Variants in TANC2 observed in about 807,000 individuals in gnomAD.
TANC2 encodes protein TANC2.
TANC2 carries 26 observed loss-of-function variants against 210.5 expected under a neutral mutation model. The ratio of observed to expected loss-of-function variants is 0.12; its 90% CI spans 0.09 to 0.17. TANC2 has a LOEUF of 0.17. Ranked by LOEUF, TANC2 falls within the 10% of genes least tolerant of loss-of-function variation. TANC2 has a pLI of 1.00. For synonymous variants in TANC2, 931 were observed against 967.1 expected (o/e 0.96, Z 0.69); for missense variants, 2,129 against 2,608.9 (o/e 0.82, Z 4.01).
intron 2 of TANC2, among the ~76,000 whole-genome samples, chr17:63,072,858 A>G (rs1255411564): frequency 1.3e-5 from 2 of 152,150 alleles, no homozygotes; most frequent in African/African-American, 4.8e-5. Context: ...TATAATAAAT[A>G]TACTTAAAAG....
At chr17:63,085,200 A>T (rs537924569) in intron 3 of TANC2, among the ~76,000 whole-genome samples, 1 of 152,264 alleles carries the variant, frequency 6.6e-6, no homozygotes, top group South Asian at 2.1e-4. Flanking sequence ...TTGTTGGGGA[A>T]TTGACTCCTT....
At chr17:63,303,387 G>T (rs2044785852) in intron 9 of TANC2, among the ~76,000 whole-genome samples, 1 of 152,134 alleles carries the variant, frequency 6.6e-6, no homozygotes, top group African/African-American at 2.4e-5. Flanking sequence ...ATGAAATCCT[G>T]GGTTGAAAAT....
At chr17:63,309,801 T>C (rs1374847630) in intron 9 of TANC2, among the ~76,000 whole-genome samples, 1 of 152,108 alleles carries the variant, frequency 6.6e-6, no homozygotes, top group Non-Finnish European at 1.5e-5. Flanking sequence ...AATTAACTAG[T>C]ACATAATAAC....
chr17:63,018,679 G>A lies in TANC2; in HGVS notation c.67+9053G>A, dbSNP rs534011920. 3.9e-5 allele frequency among the ~76,000 whole-genome samples: 6 copies of A among 152,212 alleles called. No homozygotes were observed. The South Asian group carries it at 1.2e-3, about 32-fold the overall frequency. On this transcript the variant is annotated intron_variant, in intron 2 of 27. Coordinates refer to ENST00000689528, the Ensembl canonical transcript of TANC2. Reference sequence around the variant, plus strand: ...ATTTCCATCACCACAAGGATTCCTTGGTTTGCCTTTTAATAACAGTACCCC... The same window carrying A: ...ATTTCCATCACCACAAGGATTCCTTAGTTTGCCTTTTAATAACAGTACCCC...
At chr17:63,422,795 G>C (rs1462621617) in exon 28 of TANC2, 1 of 151,996 alleles carries the variant, frequency 6.6e-6, no homozygotes, top group African/African-American at 2.4e-5. Context: ...TGAATACATA[G>C]AAAAACAAAA....
At chr17:63,397,340 A>G (rs2048199207) in intron 18 of TANC2, among the ~76,000 whole-genome samples, 1 of 152,162 alleles carries the variant, frequency 6.6e-6, no homozygotes, top group Non-Finnish European at 1.5e-5. Flanking sequence ...GAACTATATA[A>G]TACTCTTAAT....
intron 7 of TANC2, among the ~76,000 whole-genome samples, chr17:63,213,282 G>A (rs2041938726): frequency 6.6e-6 from 1 of 152,170 alleles, no homozygotes; most frequent in South Asian, 2.1e-4. Context: ...GGTACCTAAA[G>A]ACAGAAGCAT....
chr17:63,251,234 G>A (rs1268301549), intron 8 of TANC2, among the ~76,000 whole-genome samples: 2 of 152,146 alleles, frequency 1.3e-5, no homozygotes, highest in East Asian at 3.9e-4. Context: ...TTGCTGAGAA[G>A]GAGAACCAAT....
intron 11 of TANC2, among the ~76,000 whole-genome samples, chr17:63,338,350 A>C (rs922574398): frequency 1.3e-5 from 2 of 152,244 alleles, no homozygotes; most frequent in Non-Finnish European, 2.9e-5. Context: ...TTTTAATAAA[A>C]TCAGTAAAAT....
chr17:63,162,243 G>C (rs117045568), intron 5 of TANC2, among the ~76,000 whole-genome samples: 1,590 of 151,992 alleles, frequency 0.01, 20 homozygotes, highest in Non-Finnish European at 0.016. Flanking sequence ...GTTTGAGGCT[G>C]CAGTGAAGTA....
intron 26 of TANC2, among the ~76,000 whole-genome samples, chr17:63,416,003 T>C (rs1158700387): frequency 6.6e-6 from 1 of 152,198 alleles, no homozygotes; most frequent in Non-Finnish European, 1.5e-5. Flanking sequence ...CAGTGGTCAC[T>C]AGAATTCCAG....
In TANC2 at chr17:63,418,018, G is replaced by A. The variant is rs2048917929; in HGVS notation, c.4168-289G>A. Among the ~76,000 whole-genome samples the A allele has an allele frequency of 6.6e-6, 1 of 152,186 alleles. No homozygotes were observed. The highest frequency in any genetic ancestry group is 6.5e-5 in the Admixed American group (1 of 15,288). On this transcript the variant is annotated intron_variant, in intron 26 of 27. Coordinates refer to ENST00000689528, the Ensembl canonical transcript of TANC2. The surrounding 1 kb of genome is among the most constrained non-coding windows in gnomAD (Gnocchi z 4.6). Reference sequence around the variant, plus strand: ...CTTCACTGGAAAGGGTTGGTGTTTGGCTTCCGGGCTGAGAACTTTATTAGA... The same window carrying A: ...CTTCACTGGAAAGGGTTGGTGTTTGACTTCCGGGCTGAGAACTTTATTAGA...
chr17:63,068,495 A>G (rs998657451), intron 2 of TANC2, among the ~76,000 whole-genome samples: 6 of 152,174 alleles, frequency 3.9e-5, no homozygotes, highest in African/African-American at 1.2e-4. Context: ...GACATGTGCT[A>G]TAGGAAATGG....
At chr17:63,332,548 C>A (rs1311058847) in intron 11 of TANC2, 1 of 357,672 alleles carries the variant, frequency 2.8e-6, no homozygotes, top group African/African-American at 2.1e-5. Flanking sequence ...ATTTCACAAA[C>A]CCAGGTGGTC....
chr17:63,000,064 C>T (rs189337606), intron 1 of TANC2, among the ~76,000 whole-genome samples: 2 of 152,288 alleles, frequency 1.3e-5, no homozygotes, highest in East Asian at 3.9e-4. Flanking sequence ...GAAGAACACA[C>T]ACCAGGGCCT....
chr17:63,227,290 CCATT>C (rs1419236889), intron 7 of TANC2, among the ~76,000 whole-genome samples: 1 of 152,228 alleles, frequency 6.6e-6, no homozygotes, highest in South Asian at 2.1e-4. Context: ...TTAATAATCA[CCATT>C]CAGACTGGCA....
chr17:63,204,247 A>T (rs1361465718), intron 7 of TANC2, among the ~76,000 whole-genome samples: 1 of 152,130 alleles, frequency 6.6e-6, no homozygotes, highest in Admixed American at 6.5e-5. Context: ...CAGTGGCATC[A>T]CAAAGAATAA....
intron 8 of TANC2, among the ~76,000 whole-genome samples, chr17:63,264,012 G>C (rs2043447763): frequency 6.6e-6 from 1 of 152,128 alleles, no homozygotes; most frequent in African/African-American, 2.4e-5. Flanking sequence ...GTTAACTATG[G>C]ATTGATTGGT....
chr17:63,392,412 A>G (rs1479942901), intron 17 of TANC2, among the ~76,000 whole-genome samples: 1 of 152,128 alleles, frequency 6.6e-6, no homozygotes, highest in African/African-American at 2.4e-5. Flanking sequence ...TTTTCTCAGA[A>G]CTAGGGAGTC....
Sources: allele counts gnomAD v4.1 joint callset (sites outside exome capture counted in the v4.1 genomes callset), GRCh38; gene constraint gnomAD v4.1.1; non-coding constraint Gnocchi (gnomAD v3.1); transcripts MANE v1.5; gene names NCBI Gene and HGNC (gene_info 2026-07-23, HGNC 2026-07-21).